PCDH9: variants seen among roughly 807,000 people sequenced by gnomAD.
The protein encoded by PCDH9 is protocadherin 9, also known as protocadherin-9.
PCDH9 carries 24 observed loss-of-function variants against 70.6 expected under a neutral mutation model. That is an observed-to-expected ratio of 0.34 (90% confidence interval 0.25 to 0.48). The LOEUF (loss-of-function observed/expected upper bound fraction) is 0.48, where lower values mean the gene tolerates loss of function less well. Ranked by LOEUF, PCDH9 falls within the 20% of genes least tolerant of loss-of-function variation. PCDH9 has a pLI of 0.99. For missense variants in PCDH9, 1,281 were observed against 1,503.6 expected, an observed-to-expected ratio of 0.85 and a Z score of 2.45; for synonymous variants, 562 against 558.5, an observed-to-expected ratio of 1.01 and a Z score of -0.09.
At chr13:66,840,917 A>G (rs533960356) in intron 3 of PCDH9, among the ~76,000 whole-genome samples, 1 of 152,290 alleles carries the variant, frequency 6.6e-6, no homozygotes, top group East Asian at 1.9e-4. Flanking sequence ...AATTAGAGAG[A>G]GATGAAGTCA....
intron 3 of PCDH9, among the ~76,000 whole-genome samples, chr13:66,747,610 A>C (rs2079391308): frequency 6.6e-6 from 1 of 152,154 alleles, no homozygotes; most frequent in African/African-American, 2.4e-5. Context: ...TTTTCTTCCA[A>C]AAATGTGTGT....
chr13:66,944,416 G>T lies in PCDH9; in HGVS notation c.3037-40811C>A, dbSNP rs560206366. ...GTACTTCCTACAAAAAAACTGAGTG[G>T]TTTGTATTGAATTATTATTTGTGAC... On this transcript the variant is annotated intron_variant, in intron 2 of 4. Transcript: ENST00000377865. 2.5e-3 allele frequency among the ~76,000 whole-genome samples: 377 copies of T among 152,194 alleles called. 4 individuals carry two copies. The highest frequency in any genetic ancestry group is 8.8e-3 in the African/African-American group (366 of 41,544).
intron 3 of PCDH9, among the ~76,000 whole-genome samples, chr13:66,846,075 A>G (rs1250463906): frequency 1.3e-5 from 2 of 150,246 alleles, no homozygotes; most frequent in East Asian, 4.0e-4. Context: ...TAACATTTCT[A>G]CTGAGGCCAT....
intron 3 of PCDH9, among the ~76,000 whole-genome samples, chr13:66,850,882 T>C (rs1383602507): frequency 6.6e-6 from 1 of 152,206 alleles, no homozygotes; most frequent in Admixed American, 6.5e-5. Context: ...GAGTCTCCTG[T>C]TCTTCTCAAG....
At chr13:66,593,172 A>G (rs906891287) in intron 4 of PCDH9, among the ~76,000 whole-genome samples, 2 of 151,728 alleles carry the variant, frequency 1.3e-5, no homozygotes, top group Non-Finnish European at 3.0e-5. Flanking sequence ...GATTAGATGC[A>G]GTGCTTATAC....
chr13:66,905,662 GT>G (rs1354544719), intron 2 of PCDH9, among the ~76,000 whole-genome samples: 5 of 151,146 alleles, frequency 3.3e-5, no homozygotes, highest in African/African-American at 4.9e-5. Context: ...CCATCATATT[GT>G]TTTTTTCCCC....
intron 4 of PCDH9, among the ~76,000 whole-genome samples, chr13:66,316,775 T>C (rs927809010): frequency 2.6e-5 from 4 of 152,132 alleles, no homozygotes; most frequent in Non-Finnish European, 5.9e-5. Context: ...CAGGCTGGAG[T>C]AAAATGGCGT....
At chr13:67,070,839 C>G (rs562860824) in intron 2 of PCDH9, among the ~76,000 whole-genome samples, 2 of 152,018 alleles carry the variant, frequency 1.3e-5, no homozygotes, top group Non-Finnish European at 2.9e-5. Context: ...AACATTGGTA[C>G]TCACAGTTTA....
At chr13:66,766,269 G>A (rs2079716233) in intron 3 of PCDH9, among the ~76,000 whole-genome samples, 1 of 151,912 alleles carries the variant, frequency 6.6e-6, no homozygotes, top group South Asian at 2.1e-4. Flanking sequence ...CTCTAGAAGA[G>A]TCAGAGATGA....
At chr13:67,052,830 G>A (rs557260795) in intron 2 of PCDH9, among the ~76,000 whole-genome samples, 1 of 152,298 alleles carries the variant, frequency 6.6e-6, no homozygotes, top group South Asian at 2.1e-4. Flanking sequence ...TCTAGTTGGA[G>A]GAGGTGGTTA....
intron 4 of PCDH9, among the ~76,000 whole-genome samples, chr13:66,472,166 C>T (rs1442345476): frequency 6.9e-6 from 1 of 144,498 alleles, no homozygotes; most frequent in Admixed American, 7.1e-5. Context: ...GAGCCGATAT[C>T]GTGCCACCCC....
intron 2 of PCDH9, among the ~76,000 whole-genome samples, chr13:67,005,545 T>C (rs1008485321): frequency 1.3e-5 from 2 of 152,156 alleles, no homozygotes; most frequent in African/African-American, 4.8e-5. Flanking sequence ...CCCCAAATAT[T>C]CCGTGTATGC....
intron 4 of PCDH9, among the ~76,000 whole-genome samples, chr13:66,330,577 T>A (rs1955925142): frequency 6.6e-6 from 1 of 152,040 alleles, no homozygotes; most frequent in Admixed American, 6.6e-5. Flanking sequence ...GAGGAAAATG[T>A]AATTTGTGTG....
intron 3 of PCDH9, among the ~76,000 whole-genome samples, chr13:66,706,664 G>A (rs773943702): frequency 6.6e-6 from 1 of 152,200 alleles, no homozygotes; most frequent in African/African-American, 2.4e-5. Flanking sequence ...ATCAGAAATT[G>A]TGACTGAGAA....
Position 67,094,779 on chromosome 13 carries a change from C to G in PCDH9, c.3036+130626G>C, listed in dbSNP as rs192407123. Among the ~76,000 whole-genome samples the G allele has an allele frequency of 1.6e-4, 25 of 151,730 alleles. No individual in the cohort carries two copies. The East Asian group carries it at 4.9e-3, about 30-fold the overall frequency. ...TGAACCTTCTGTCCAATTTCTAAATCTTGTGAATTTTCTGAATTCCATTCT... is the reference window on the plus strand; with the variant it reads ...TGAACCTTCTGTCCAATTTCTAAATGTTGTGAATTTTCTGAATTCCATTCT... On this transcript the variant is annotated intron_variant, in intron 2 of 4. Transcript: ENST00000377865.
chr13:66,863,562 T>C (rs1372250454), intron 3 of PCDH9, among the ~76,000 whole-genome samples: 1 of 152,156 alleles, frequency 6.6e-6, no homozygotes, highest in Non-Finnish European at 1.5e-5. Context: ...CTAGGCTCAC[T>C]GCAAGTTCCG....
chr13:66,398,039 T>G (rs115388579), intron 4 of PCDH9, among the ~76,000 whole-genome samples: 2,228 of 152,168 alleles, frequency 0.015, 64 homozygotes, highest in African/African-American at 0.051. Flanking sequence ...GCTTATACCA[T>G]AGAACATCAT....
intron 3 of PCDH9, among the ~76,000 whole-genome samples, chr13:66,822,171 C>T (rs558238747): frequency 4.8e-5 from 7 of 147,204 alleles, no homozygotes; most frequent in African/African-American, 1.7e-4. Flanking sequence ...CATATATAGA[C>T]ATAACTACTA....
chr13:67,226,509 A>T lies in PCDH9; in HGVS notation c.1932T>A (p.Asp644Glu). The part of the protein sequence containing the change: ...DREQQSSYTF[D>E]VKATDGGQPP... ...GTTGTCCTCCATCAGTGGCTTTGAC[A>T]TCAAAAGTGTAGGAACTCTGCTGCT... is the stretch of plus-strand genomic sequence containing the variant. Residue 644 changes from aspartate (D) to glutamate (E), a missense_variant, in exon 2 of 5, where the codon GAT (aspartate) becomes GAA (glutamate). By Grantham distance (45) the Asp-to-Glu change is conservative (BLOSUM62 2). Coordinates refer to ENST00000377865, the MANE Select transcript of PCDH9 (RefSeq NM_203487.3). This position sits in a 1 kb window ranked among gnomAD's most constrained non-coding sequence, Gnocchi z 5.0. 6.2e-7 allele frequency: 1 copy of T among 1,614,160 alleles called. No homozygotes were observed. The highest frequency in any genetic ancestry group is 2.2e-5 in the East Asian group (1 of 44,860).
Sources: gnomAD v4.1 joint callset for allele counts (sites outside exome capture counted in the v4.1 genomes callset) on GRCh38, gnomAD v4.1.1 for gene constraint, Gnocchi (gnomAD v3.1) non-coding constraint, MANE v1.5 for transcripts, NCBI Gene and HGNC (gene_info 2026-07-23, HGNC 2026-07-21) for gene names.